The following NBEA variants were observed in gnomAD, a reference collection of about 807,000 sequenced individuals.
The protein encoded by NBEA is lysosomal-trafficking regulator 2.
Under a neutral mutation model 343.4 loss-of-function variants are expected in NBEA, and 44 were observed. The observed-to-expected ratio is 0.13, with a 90% CI of 0.10 to 0.16. The LOEUF (loss-of-function observed/expected upper bound fraction) is 0.16, where lower values mean the gene tolerates loss of function less well. Among genes scored for constraint, NBEA ranks in the 10% least tolerant of loss-of-function variants. The pLI is 1.00. For synonymous variants in NBEA, 1,175 were observed against 1,238.7 expected, an observed-to-expected ratio of 0.95 and a Z score of 1.08; for missense variants, 2,555 against 3,631.3, an observed-to-expected ratio of 0.70 and a Z score of 7.62.
At chr13:35,259,983 C>T (rs1318734513) in intron 34 of NBEA, among the ~76,000 whole-genome samples, 5 of 152,178 alleles carry the variant, frequency 3.3e-5, no homozygotes, top group African/African-American at 7.2e-5. Flanking sequence ...AGTGCTTTAA[C>T]AATTGATGGC....
intron 33 of NBEA, among the ~76,000 whole-genome samples, chr13:35,226,513 T>C (rs139837844): frequency 1.3e-3 from 202 of 152,210 alleles, no homozygotes; most frequent in African/African-American, 4.8e-3. Context: ...ATTATTACAA[T>C]TTTCCTGTCA....
intron 6 of NBEA, among the ~76,000 whole-genome samples, chr13:35,051,703 T>C (rs74051227): frequency 0.028 from 4,244 of 152,134 alleles, 88 homozygotes; most frequent in South Asian, 0.076. Flanking sequence ...AAATTCTGTT[T>C]TATTAGAATT....
intron 36 of NBEA, among the ~76,000 whole-genome samples, chr13:35,311,100 T>C (rs369264287): frequency 6.6e-6 from 1 of 152,124 alleles, no homozygotes; most frequent in South Asian, 2.1e-4. Context: ...CAGGAAAATA[T>C]CAGTTTTCTT....
intron 17 of NBEA, among the ~76,000 whole-genome samples, chr13:35,125,338 G>A (rs1470860247): frequency 6.6e-6 from 1 of 152,082 alleles, no homozygotes; most frequent in Non-Finnish European, 1.5e-5. Context: ...ATAGCAAATA[G>A]GAAGTGTCAG....
chr13:35,665,224 A>C (rs759290990), intron 56 of NBEA, 38 bp downstream of exon 56: 2 of 1,489,892 alleles, frequency 1.3e-6, no homozygotes, highest in Non-Finnish European at 1.8e-6. Context: ...TGTCTAGAAG[A>C]TGACTGTTTT....
At chr13:35,581,978 A>AT (rs1190695695) in intron 45 of NBEA, among the ~76,000 whole-genome samples, 1 of 152,036 alleles carries the variant, frequency 6.6e-6, no homozygotes, top group Non-Finnish European at 1.5e-5. Flanking sequence ...TATGTGGGTA[A>AT]TTTTAAATGA....
At chr13:35,351,245 G>A (rs1213922505) in intron 37 of NBEA, among the ~76,000 whole-genome samples, 3 of 151,864 alleles carry the variant, frequency 2.0e-5, no homozygotes, top group Admixed American at 6.6e-5. Flanking sequence ...TTTATCAGAT[G>A]TATGAGACTT....
At chr13:35,534,596 A>C (rs374648350) in intron 41 of NBEA, among the ~76,000 whole-genome samples, 1 of 152,196 alleles carries the variant, frequency 6.6e-6, no homozygotes, top group East Asian at 1.9e-4. Flanking sequence ...GCCTGTAGAC[A>C]TGTGACCTCT....
intron 38 of NBEA, among the ~76,000 whole-genome samples, chr13:35,420,470 G>C (rs941478396): frequency 2.0e-5 from 3 of 151,906 alleles, no homozygotes; most frequent in African/African-American, 7.2e-5. Context: ...ATATTGGTCT[G>C]TAGTTTTCTT....
At chr13:35,194,223 A>G (rs2072414428) in intron 30 of NBEA, among the ~76,000 whole-genome samples, 1 of 152,010 alleles carries the variant, frequency 6.6e-6, no homozygotes, top group African/African-American at 2.4e-5. Context: ...ATTGTTTTTA[A>G]TTTTTTAGTA....
At position 35,387,539 on chromosome 13, in the gene NBEA, A is replaced by T. The variant is rs140716915; in HGVS notation, c.6179+35216A>T. On this transcript the variant is annotated intron_variant, in intron 38 of 58. Coordinates refer to ENST00000379939, the MANE Select transcript of NBEA (RefSeq NM_001385012.1). ...GACAACACTTTCTTATTTATCAGGA[A>T]CCAGTATTGAGGATTTGAAATAACA... is the stretch of plus-strand genomic sequence containing the variant. Among the ~76,000 whole-genome samples, 1,064 of 152,252 alleles carry T rather than the reference A, an allele frequency of 7.0e-3. 4 individuals carry two copies. Among genetic ancestry groups the T allele is most frequent in the Non-Finnish European group, 0.011 (726 of 68,002 alleles).
intron 38 of NBEA, among the ~76,000 whole-genome samples, chr13:35,398,171 A>C (rs1046636211): frequency 6.6e-6 from 1 of 152,146 alleles, no homozygotes; most frequent in Non-Finnish European, 1.5e-5. Context: ...TGTTCATAAG[A>C]AGCAACTCCT....
At chr13:34,973,966 C>T (rs1378865110) in intron 1 of NBEA, among the ~76,000 whole-genome samples, 3 of 152,180 alleles carry the variant, frequency 2.0e-5, no homozygotes, top group Non-Finnish European at 4.4e-5. Flanking sequence ...TGAGACTCCA[C>T]ACAGCTCTTT....
intron 34 of NBEA, among the ~76,000 whole-genome samples, chr13:35,278,163 A>G (rs2034773284): frequency 1.3e-5 from 2 of 149,508 alleles, no homozygotes; most frequent in East Asian, 1.9e-4. Flanking sequence ...ATGCATGTAT[A>G]TGATTTAGAA....
intron 39 of NBEA, among the ~76,000 whole-genome samples, chr13:35,451,029 CTT>C (rs2046283080): frequency 1.3e-5 from 2 of 152,220 alleles, no homozygotes; most frequent in South Asian, 4.1e-4. Flanking sequence ...TCGTTTCTAA[CTT>C]AACGCATTAA....
At chr13:35,379,306 T>C (rs2041894714) in intron 38 of NBEA, among the ~76,000 whole-genome samples, 1 of 152,152 alleles carries the variant, frequency 6.6e-6, no homozygotes, top group Admixed American at 6.5e-5. Context: ...TTTCCTGAGG[T>C]TGAGTGCCTT....
intron 38 of NBEA, among the ~76,000 whole-genome samples, chr13:35,371,153 A>G (rs2041410179): frequency 6.6e-6 from 1 of 152,124 alleles, no homozygotes; most frequent in African/African-American, 2.4e-5. Flanking sequence ...GGATGTCTAA[A>G]TCACTTACTA....
intron 31 of NBEA, among the ~76,000 whole-genome samples, chr13:35,197,829 T>C (rs2072733064): frequency 6.6e-6 from 1 of 152,218 alleles, no homozygotes; most frequent in Admixed American, 6.5e-5. Context: ...CAATATAATT[T>C]AAACTTTGCC....
chr13:35,559,926 G>A (rs1301708789), intron 44 of NBEA, among the ~76,000 whole-genome samples: 3 of 65,494 alleles, frequency 4.6e-5, no homozygotes, highest in Non-Finnish European at 7.6e-5. Context: ...GCGAGACTCC[G>A]TCTCAAAAAA....
Sources: gnomAD v4.1 joint callset for allele counts (sites outside exome capture counted in the v4.1 genomes callset) on GRCh38, gnomAD v4.1.1 for gene constraint, MANE v1.5 for transcripts, NCBI Gene and HGNC (gene_info 2026-07-23, HGNC 2026-07-21) for gene names.